The following RNF24 variants were observed in gnomAD, a reference collection of about 807,000 sequenced individuals.
RNF24 encodes the protein ring finger protein 24.
In RNF24, 14 loss-of-function variants were observed where a neutral mutation model predicts 20.0. The observed-to-expected ratio is 0.70, with a 90% confidence interval of 0.46 to 1.10. RNF24 has a LOEUF of 1.10. Among genes scored for constraint, RNF24 ranks in the 50% least tolerant of loss-of-function variants. RNF24 has a pLI of 0.00. For missense variants in RNF24, 124 were observed against 177.6 expected (o/e 0.70, Z 1.71); for synonymous variants, 45 against 61.1 (o/e 0.74, Z 1.23).
chr20:4,013,141 A>G (rs1341057936), intron 1 of RNF24, among the ~76,000 whole-genome samples: 2 of 152,168 alleles, frequency 1.3e-5, no homozygotes, highest in Non-Finnish European at 2.9e-5. Flanking sequence ...TTGAAAAATC[A>G]ACTTTCATTA....
chr20:3,996,626 T>C (rs1314617919), intron 1 of RNF24, among the ~76,000 whole-genome samples: 1 of 152,190 alleles, frequency 6.6e-6, no homozygotes, highest in Admixed American at 6.5e-5. Context: ...GTGACTACAC[T>C]TCCTAGCCTT....
chr20:3,956,024 TG>T (rs1449104783), intron 2 of RNF24, among the ~76,000 whole-genome samples: 4 of 151,956 alleles, frequency 2.6e-5, no homozygotes, highest in Non-Finnish European at 5.9e-5. Flanking sequence ...TAGTTTTTTT[TG>T]TGTGTGTGTG....
At chr20:3,966,323 CT>C (rs1600666361) in intron 1 of RNF24, among the ~76,000 whole-genome samples, 1 of 152,038 alleles carries the variant, frequency 6.6e-6, no homozygotes, top group East Asian at 1.9e-4. Flanking sequence ...CCCATCTATA[CT>C]TCAATTTTCT....
chr20:3,959,357 A>G (rs2091177071), intron 2 of RNF24, among the ~76,000 whole-genome samples: 1 of 152,150 alleles, frequency 6.6e-6, no homozygotes, highest in African/African-American at 2.4e-5. Context: ...TCACCTCCCA[A>G]GTATTTCTTA....
chr20:3,982,161 G>A (rs1199741915), intron 1 of RNF24, among the ~76,000 whole-genome samples: 3 of 142,910 alleles, frequency 2.1e-5, no homozygotes, highest in Non-Finnish European at 4.7e-5. Context: ...AAATGCTATT[G>A]TGAAGTTAAT....
At chr20:4,015,096 G>A (rs985935593) in intron 1 of RNF24, 1 of 152,428 alleles carries the variant, frequency 6.6e-6, no homozygotes. Flanking sequence ...CACGCCCGGG[G>A]ACCCGATGCC....
intron 3 of RNF24, among the ~76,000 whole-genome samples, chr20:3,945,989 C>G (rs2091011758): frequency 6.6e-6 from 1 of 152,120 alleles, no homozygotes; most frequent in African/African-American, 2.4e-5. Context: ...AGAAATCACA[C>G]CAGAAGCTAC....
intron 1 of RNF24, among the ~76,000 whole-genome samples, chr20:3,979,091 CAAA>C (rs11472696): frequency 2.0e-5 from 2 of 101,676 alleles, no homozygotes; most frequent in Non-Finnish European, 2.0e-5. Context: ...GAGACTCTGT[CAAA>C]AAAAAAAAAA....
rs991797261 is a variant in RNF24 at position 3,930,313 on chromosome 20, C to G, written c.*3750G>C. 2.0e-5 allele frequency: 3 copies of G among 152,280 alleles called. No individual in the cohort carries two copies. The highest frequency in any genetic ancestry group is 4.8e-5 in the African/African-American group (2 of 41,450). The allele number at this position is 152,280 out of a possible 1,614,324, so 9.4% of individuals were successfully genotyped here. A position where few individuals can be genotyped will look rare whatever the true frequency, so the allele number is the denominator to read the frequency against. ...AGAAAGGGGCCAGGTGAACCTGGGC[C>G]TCAGGGAAAGCCCCTACAGCTCAGG... On this transcript the variant is annotated 3_prime_UTR_variant, in exon 6 of 6. Coordinates refer to ENST00000358395, the MANE Select transcript of RNF24 (RefSeq NM_001134337.3).
chr20:3,980,860 C>A (rs1041326460), intron 1 of RNF24, among the ~76,000 whole-genome samples: 1 of 151,544 alleles, frequency 6.6e-6, no homozygotes, highest in Non-Finnish European at 1.5e-5. Context: ...AGAAAAAGGT[C>A]AGATCTAATA....
Position 3,935,033 on chromosome 20 carries a change from T to G in RNF24, c.269A>C (p.Glu90Ala). The G allele has an allele frequency of 6.2e-7, 1 of 1,614,010 alleles. No individual in the cohort carries two copies. The highest frequency in any genetic ancestry group is 8.5e-7 in the Non-Finnish European group (1 of 1,179,926). The part of the protein sequence containing the change: ...VCLEDFKPRD[E>A]LGICPCKHAF... ...GTGCTTACATGGGCAAATCCCCAAC[T>G]CATCTCGAGGCTTGAAGTCTTCTAG... The change falls in exon 5 of 6, where the codon GAG (glutamate) becomes GCG (alanine). Residue 90 changes from glutamate to alanine, a missense_variant. Transcript: ENST00000358395.
At chr20:3,937,242 T>C (rs2090902018) in intron 4 of RNF24, among the ~76,000 whole-genome samples, 1 of 152,162 alleles carries the variant, frequency 6.6e-6, no homozygotes, top group Non-Finnish European at 1.5e-5. Flanking sequence ...TCTGACACGT[T>C]AAATGCTAAA....
Position 3,948,291 on chromosome 20 carries a change from A to G in RNF24, c.144-12T>C. The G allele has an allele frequency of 6.4e-7, 1 of 1,557,462 alleles. No individual in the cohort carries two copies. The highest frequency in any genetic ancestry group is 8.7e-7 in the Non-Finnish European group (1 of 1,148,136). On this transcript the variant is annotated splice_polypyrimidine_tract_variant and intron_variant, in intron 2 of 5. Coordinates refer to ENST00000358395, the MANE Select transcript of RNF24 (RefSeq NM_001134337.3). ...CTTGATGTCTTAGCCTAAAAGACAG[A>G]AATTAGTAATGCAATATTGAGATTT...
Position 3,928,222 on chromosome 20 carries a change from G to A in RNF24, c.*5841C>T, listed in dbSNP as rs1056888622. On this transcript the variant is annotated 3_prime_UTR_variant, in exon 6 of 6. Transcript: ENST00000358395. Reference sequence around the variant, plus strand: ...AGGGCCAGAGATTCTACAAATGCCAGAAGAGTGGATGTGATAGAGAATTTT... The same window carrying A: ...AGGGCCAGAGATTCTACAAATGCCAAAAGAGTGGATGTGATAGAGAATTTT... 1.3e-5 allele frequency: 2 copies of A among 152,164 alleles called. No homozygotes were observed. The highest frequency in any genetic ancestry group is 3.8e-4 in the East Asian group (2 of 5,202). 9.4% of individuals were successfully genotyped at this position (152,164 alleles called of 1,614,324 possible).
intron 2 of RNF24, among the ~76,000 whole-genome samples, chr20:3,951,131 G>A (rs922044006): frequency 6.6e-6 from 1 of 152,014 alleles, no homozygotes; most frequent in Non-Finnish European, 1.5e-5. Flanking sequence ...AATTTTTTTT[G>A]TATTTTTAGT....
intron 1 of RNF24, among the ~76,000 whole-genome samples, chr20:3,971,896 T>C (rs77676630): frequency 0.014 from 2,155 of 152,224 alleles, 26 homozygotes; most frequent in African/African-American, 0.028. Context: ...CCCAATAATA[T>C]GCTGTCTACC....
Position 3,933,328 on chromosome 20 carries a change from T to C in RNF24, c.*735A>G. On this transcript the variant is annotated 3_prime_UTR_variant, in exon 6 of 6. Coordinates refer to ENST00000358395, the MANE Select transcript of RNF24 (RefSeq NM_001134337.3). Reference sequence around the variant, plus strand: ...GTGGGGATGTGGGCAGCCTCCTGGATCACTCAGGGACAGTGTGGACTCAGG... The same window carrying C: ...GTGGGGATGTGGGCAGCCTCCTGGACCACTCAGGGACAGTGTGGACTCAGG... 1 of 397,562 alleles carries C rather than the reference T, an allele frequency of 2.5e-6. No homozygotes were observed. 24.6% of individuals were successfully genotyped at this position (397,562 alleles called of 1,614,324 possible). A position where few individuals can be genotyped will look rare whatever the true frequency, so the allele number is the denominator to read the frequency against.
intron 1 of RNF24, among the ~76,000 whole-genome samples, chr20:3,970,469 A>ACAAAT (rs1460923310): frequency 1.3e-5 from 2 of 152,238 alleles, no homozygotes; most frequent in Non-Finnish European, 2.9e-5. Context: ...TAGGAAGATC[A>ACAAAT]CAAATCAAAT....
At chr20:3,940,032 C>T (rs965630933) in intron 4 of RNF24, among the ~76,000 whole-genome samples, 3 of 151,896 alleles carry the variant, frequency 2.0e-5, no homozygotes, top group African/African-American at 7.3e-5. Flanking sequence ...GATCTCAGCT[C>T]ACCACAACCT....
Sources: allele counts gnomAD v4.1 joint callset (sites outside exome capture counted in the v4.1 genomes callset), GRCh38; gene constraint gnomAD v4.1.1; transcripts MANE v1.5; gene names NCBI Gene and HGNC (gene_info 2026-07-23, HGNC 2026-07-21).